SNAP91: variants seen among roughly 807,000 people sequenced by gnomAD.
SNAP91 encodes synaptosome associated protein 91.
A neutral mutation model predicts 100.3 loss-of-function variants in SNAP91; 27 were observed. The observed-to-expected ratio is 0.27, with a 90% CI of 0.20 to 0.37. The LOEUF (loss-of-function observed/expected upper bound fraction) is 0.37. Among genes scored for constraint, SNAP91 ranks in the 10% least tolerant of loss-of-function variants. The pLI is 1.00. For missense variants in SNAP91, 986 were observed against 1,123.7 expected, an observed-to-expected ratio of 0.88 and a Z score of 1.75; for synonymous variants, 404 against 398.6, an observed-to-expected ratio of 1.01 and a Z score of -0.16.
intron 26 of SNAP91, among the ~76,000 whole-genome samples, chr6:83,574,088 G>A (rs1016441600): frequency 3.9e-5 from 6 of 152,218 alleles, no homozygotes; most frequent in South Asian, 2.1e-4. Context: ...TTTGGCTGGC[G>A]GTGATGAATG....
At chr6:83,706,701 CA>C (rs1562767063) in intron 2 of SNAP91, among the ~76,000 whole-genome samples, 1 of 152,094 alleles carries the variant, frequency 6.6e-6, no homozygotes, top group Non-Finnish European at 1.5e-5. Flanking sequence ...GACCCAAGAC[CA>C]AAAAAACCCA....
chr6:83,578,627 C>T (rs1823383949), intron 24 of SNAP91, among the ~76,000 whole-genome samples: 1 of 152,136 alleles, frequency 6.6e-6, no homozygotes, highest in Non-Finnish European at 1.5e-5. Context: ...ATTCTGAGTA[C>T]AAGTCTCTTA....
intron 26 of SNAP91, among the ~76,000 whole-genome samples, chr6:83,563,722 A>G (rs925810895): frequency 6.6e-6 from 1 of 152,236 alleles, no homozygotes; most frequent in Non-Finnish European, 1.5e-5. Flanking sequence ...CTAGCAATGA[A>G]TAATCGAAAA....
intron 2 of SNAP91, among the ~76,000 whole-genome samples, chr6:83,694,658 GA>G (rs989181968): frequency 1.3e-5 from 2 of 152,102 alleles, no homozygotes; most frequent in African/African-American, 4.8e-5. Context: ...CAGAATCACT[GA>G]AAAAGTCTTC....
In SNAP91 at chr6:83,614,967, T is replaced by C. The variant is rs1318177023; in HGVS notation, c.879-105A>G. On this transcript the variant is annotated intron_variant, in intron 10 of 29. Transcript: ENST00000369694. ...AATAAGCAAAAGACAAGTTCAAATG[T>C]GGTTTTAGCCAATTCAGAAGAGAAA... The C allele has an allele frequency of 9.4e-5, 83 of 884,304 alleles. 1 individual carries two copies. In the Admixed American group the frequency reaches 1.9e-3, roughly 20 times the overall value. 54.8% of individuals were successfully genotyped at this position (884,304 alleles called of 1,614,324 possible).
chr6:83,610,691 T>G lies in SNAP91; in HGVS notation c.885-14A>C, dbSNP rs1189107504. 2.6e-6 allele frequency: 1 copy of G among 380,966 alleles called. No individual in the cohort carries two copies. The highest frequency in any genetic ancestry group is 4.9e-6 in the Non-Finnish European group (1 of 202,196). 23.6% of individuals were successfully genotyped at this position (380,966 alleles called of 1,614,324 possible). On this transcript the variant is annotated splice_polypyrimidine_tract_variant and intron_variant, in intron 11 of 29. Coordinates refer to ENST00000369694, the MANE Select transcript of SNAP91 (RefSeq NM_001242792.2). ...GGAGCACCAGATCTAAAAGGCAACA[T>G]AAAAAAAAATTAAAACTGAATATAT...
At chr6:83,659,958 C>T (rs1158205722) in intron 5 of SNAP91, among the ~76,000 whole-genome samples, 9 of 152,182 alleles carry the variant, frequency 5.9e-5, no homozygotes, top group Non-Finnish European at 1.3e-4. Flanking sequence ...GGAGGGTGCA[C>T]TGCACCTTGT....
intron 7 of SNAP91, among the ~76,000 whole-genome samples, chr6:83,646,125 C>T (rs2097909015): frequency 6.6e-6 from 1 of 152,048 alleles, no homozygotes; most frequent in South Asian, 2.1e-4. Flanking sequence ...GACAACAGTC[C>T]TTTATCAGAT....
rs116437193 is a variant in SNAP91, at chr6:83,576,790, C to T, written c.2300-737G>A. Among the ~76,000 whole-genome samples, 841 of 152,296 alleles carry T rather than the reference C, an allele frequency of 5.5e-3. 5 individuals are homozygous for T. The highest frequency in any genetic ancestry group is 0.019 in the African/African-American group (796 of 41,560). On this transcript the variant is annotated intron_variant, in intron 24 of 29. Transcript: ENST00000369694. ...TGAGTCCCATGTGTCCTTCTAGTGG[C>T]TCTGTGAATCCCTTGACATAGTCGG...
chr6:83,591,963 TCTAA>T (rs2093816184), intron 21 of SNAP91, among the ~76,000 whole-genome samples: 1 of 152,230 alleles, frequency 6.6e-6, no homozygotes, highest in Non-Finnish European at 1.5e-5. Context: ...TTCCAATCCT[TCTAA>T]CTCTTTGTAA....
chr6:83,611,417 A>AT, intron 11 of SNAP91: 1 of 455,668 alleles, frequency 2.2e-6, no homozygotes, highest in Middle Eastern at 3.3e-4. Flanking sequence ...TGCTTCAGAA[A>AT]TAACTGCCAG....
chr6:83,616,902 A>T lies in SNAP91; in HGVS notation c.878+67T>A, dbSNP rs1002356120. 4 of 1,079,640 alleles carry T rather than the reference A, an allele frequency of 3.7e-6. No homozygotes were observed. The African/African-American group carries it at 4.8e-5, about 13-fold the overall frequency. 66.9% of individuals were successfully genotyped at this position (1,079,640 alleles called of 1,614,324 possible). Reference sequence around the variant, plus strand: ...GAGCAATATAAGTTGTACCATGATAAATCTCATTCTTAGAAGAACGACTGT... The same window carrying T: ...GAGCAATATAAGTTGTACCATGATATATCTCATTCTTAGAAGAACGACTGT... On this transcript the variant is annotated intron_variant, in intron 10 of 29. Coordinates refer to ENST00000369694, the MANE Select transcript of SNAP91 (RefSeq NM_001242792.2).
rs575807852 is a variant in SNAP91 at position 83,575,735 on chromosome 6, T to C, written c.2330+288A>G. 6.8e-4 allele frequency: 240 copies of C among 351,166 alleles called. 1 individual carries two copies. The East Asian group carries it at 0.015, about 21-fold the overall frequency. The allele number at this position is 351,166 out of a possible 1,614,324, so 21.8% of individuals were successfully genotyped here. On this transcript the variant is annotated intron_variant, in intron 25 of 29. Coordinates refer to ENST00000369694, the MANE Select transcript of SNAP91 (RefSeq NM_001242792.2). The stretch of plus-strand genomic sequence containing the variant: ...GAACTATGGTAATGAATCTAGAATG[T>C]AATGCTATTAAAATATTCAAGCCAC...
rs889344911 is a variant in SNAP91, at chr6:83,612,687, C to A, written c.885-2010G>T. 3.6e-4 allele frequency among the ~76,000 whole-genome samples: 55 copies of A among 151,786 alleles called. 1 individual carries two copies. Among genetic ancestry groups the A allele is most frequent in the Admixed American group, 3.2e-3 (48 of 15,230 alleles). ...GGTCAGGAGTTCGACACCAGCCTGG[C>A]CAATATGGCGAAACCCTGTCTCTAC... On this transcript the variant is annotated intron_variant, in intron 11 of 29. Coordinates refer to ENST00000369694, the MANE Select transcript of SNAP91 (RefSeq NM_001242792.2).
At chr6:83,667,219 C>T (rs570077357) in intron 2 of SNAP91, among the ~76,000 whole-genome samples, 7 of 152,202 alleles carry the variant, frequency 4.6e-5, no homozygotes, top group African/African-American at 1.7e-4. Flanking sequence ...TTCACTGATA[C>T]AGTTTCAGAG....
intron 7 of SNAP91, among the ~76,000 whole-genome samples, chr6:83,653,649 G>C (rs1308737386): frequency 6.6e-6 from 1 of 152,022 alleles, no homozygotes; most frequent in Non-Finnish European, 1.5e-5. Flanking sequence ...ATGTTTTTCT[G>C]TCATTTAGTA....
intron 24 of SNAP91, among the ~76,000 whole-genome samples, chr6:83,576,646 G>T (rs1009870496): frequency 2.0e-5 from 3 of 152,140 alleles, no homozygotes; most frequent in Non-Finnish European, 4.4e-5. Flanking sequence ...GAGAGACATA[G>T]CTTAAGGAAG....
intron 5 of SNAP91, among the ~76,000 whole-genome samples, chr6:83,659,948 G>A (rs528350127): frequency 3.3e-5 from 5 of 152,280 alleles, no homozygotes; most frequent in East Asian, 1.9e-4. Context: ...TGCTGATGTC[G>A]GAGGGTGCAC....
intron 26 of SNAP91, among the ~76,000 whole-genome samples, chr6:83,566,068 TA>T (rs1233620128): frequency 1.3e-5 from 2 of 152,160 alleles, no homozygotes; most frequent in Admixed American, 1.3e-4. Context: ...GATGAATGGA[TA>T]AACAAAATGT....
Sources: allele counts gnomAD v4.1 joint callset (sites outside exome capture counted in the v4.1 genomes callset), GRCh38; gene constraint gnomAD v4.1.1; transcripts MANE v1.5; gene names NCBI Gene and HGNC (gene_info 2026-07-23, HGNC 2026-07-21).